The following EIF4E variants were observed in gnomAD, a reference collection of about 807,000 sequenced individuals.
The protein encoded by EIF4E is eIF-4F 25 kDa subunit.
For missense variants in EIF4E, 113 were observed against 265.6 expected, an observed-to-expected ratio of 0.43 and a Z score of 3.99; for synonymous variants, 71 against 88.5, an observed-to-expected ratio of 0.80 and a Z score of 1.11.
intron 1 of EIF4E, among the ~76,000 whole-genome samples, chr4:98,922,296 G>A (rs989764041): frequency 1.5e-4 from 23 of 152,160 alleles, no homozygotes; most frequent in Non-Finnish European, 2.6e-4. Flanking sequence ...GGTGGCTCAC[G>A]CCTGTAATCC....
chr4:98,904,200 C>T (rs565996038), intron 1 of EIF4E, among the ~76,000 whole-genome samples: 1 of 152,280 alleles, frequency 6.6e-6, no homozygotes, highest in South Asian at 2.1e-4. Flanking sequence ...GGACTTATGT[C>T]TGTAATTGCA....
Position 98,880,944 on chromosome 4 carries a change from T to G in EIF4E, c.*84A>C, listed in dbSNP as rs1282294451. On this transcript the variant is annotated 3_prime_UTR_variant, in exon 7 of 7. Coordinates refer to ENST00000450253, the MANE Select transcript of EIF4E (RefSeq NM_001968.5). Reference sequence around the variant, plus strand: ...AATCAAATTTAAATGCAGTCCACTCTGCTTTTTGAAGAGGCTTTGGTTCAG... The same window carrying G: ...AATCAAATTTAAATGCAGTCCACTCGGCTTTTTGAAGAGGCTTTGGTTCAG... The G allele has an allele frequency of 6.5e-7, 1 of 1,541,006 alleles. No homozygotes were observed. The highest frequency in any genetic ancestry group is 1.4e-5 in the African/African-American group (1 of 72,914).
At chr4:98,917,289 TA>T (rs1477376771) in intron 1 of EIF4E, among the ~76,000 whole-genome samples, 3 of 152,008 alleles carry the variant, frequency 2.0e-5, no homozygotes, top group Non-Finnish European at 4.4e-5. Flanking sequence ...AATCCAATCT[TA>T]AAACAAGATA....
At position 98,879,861 on chromosome 4, in the gene EIF4E, A is replaced by G. The variant is rs1230587485; in HGVS notation, c.*1167T>C. On this transcript the variant is annotated 3_prime_UTR_variant, in exon 7 of 7. Coordinates refer to ENST00000450253, the MANE Select transcript of EIF4E (RefSeq NM_001968.5). Reference sequence around the variant, plus strand: ...TAAAAAAACAAAGATAGCCACATCAATTTAATTCCATATATATGATACTAC... The same window carrying G: ...TAAAAAAACAAAGATAGCCACATCAGTTTAATTCCATATATATGATACTAC... 1 of 152,206 alleles carries G rather than the reference A, an allele frequency of 6.6e-6. No homozygotes were observed. Among genetic ancestry groups the G allele is most frequent in the Non-Finnish European group, 1.5e-5 (1 of 68,010 alleles). 9.4% of individuals were successfully genotyped at this position (152,206 alleles called of 1,614,324 possible). A position where few individuals can be genotyped will look rare whatever the true frequency, so the allele number is the denominator to read the frequency against.
At chr4:98,882,461 C>CAAAAAT (rs1311799634) in intron 6 of EIF4E, among the ~76,000 whole-genome samples, 3 of 146,726 alleles carry the variant, frequency 2.0e-5, no homozygotes, top group Admixed American at 6.7e-5. Flanking sequence ...CAAAAATAAG[C>CAAAAAT]AAAAATCAAA....
chr4:98,883,604 C>G (rs937679994), intron 6 of EIF4E, among the ~76,000 whole-genome samples: 3 of 151,590 alleles, frequency 2.0e-5, no homozygotes, highest in Non-Finnish European at 4.4e-5. Context: ...GGGGTTTCAC[C>G]GTGTTGGCCA....
At position 98,887,320 on chromosome 4, in the gene EIF4E, G is replaced by A. The variant is rs542250037; in HGVS notation, c.286-128C>T. 2 of 982,144 alleles carry A rather than the reference G, an allele frequency of 2.0e-6. No individual in the cohort carries two copies. Among genetic ancestry groups the A allele is most frequent in the African/African-American group, 1.6e-5 (1 of 62,752 alleles). 60.8% of individuals were successfully genotyped at this position (982,144 alleles called of 1,614,324 possible). ...TATTGCCCATAAAACTGCCATTGATGTAGTTTTTAAACAGCACATAAGACT... is the reference window on the plus strand; with the variant it reads ...TATTGCCCATAAAACTGCCATTGATATAGTTTTTAAACAGCACATAAGACT... On this transcript the variant is annotated intron_variant, in intron 4 of 6. Transcript: ENST00000450253. The surrounding 1 kb of genome is among the most constrained non-coding windows in gnomAD (Gnocchi z 4.0).
chr4:98,887,829 T>C lies in EIF4E; in HGVS notation c.285+60A>G. On this transcript the variant is annotated intron_variant, in intron 4 of 6. Transcript: ENST00000450253. The surrounding 1 kb of genome is among the most constrained non-coding windows in gnomAD (Gnocchi z 4.0). ...TTCCTAAGTTTATGGTAAGATTTCTTAATGAATACCAAATGGCCCAGTCCT... is the reference window on the plus strand; with the variant it reads ...TTCCTAAGTTTATGGTAAGATTTCTCAATGAATACCAAATGGCCCAGTCCT... 2 of 1,462,458 alleles carry C rather than the reference T, an allele frequency of 1.4e-6. No individual in the cohort carries two copies. Among genetic ancestry groups the C allele is most frequent in the Admixed American group, 3.5e-5 (2 of 57,518 alleles). The allele number at this position is 1,462,458 out of a possible 1,614,324, so 90.6% of individuals were successfully genotyped here.
At chr4:98,923,445 C>T (rs1427951132) in intron 1 of EIF4E, among the ~76,000 whole-genome samples, 1 of 151,952 alleles carries the variant, frequency 6.6e-6, no homozygotes, top group Non-Finnish European at 1.5e-5. Context: ...CCTCCTGAGG[C>T]TAGGACACAG....
intron 1 of EIF4E, among the ~76,000 whole-genome samples, chr4:98,917,815 C>T (rs1725448570): frequency 1.3e-5 from 2 of 152,218 alleles, no homozygotes; most frequent in Admixed American, 6.5e-5. Context: ...ATGGCTCACA[C>T]CTGTAATCAC....
At chr4:98,923,114 G>A (rs1427829728) in intron 1 of EIF4E, among the ~76,000 whole-genome samples, 1 of 150,942 alleles carries the variant, frequency 6.6e-6, no homozygotes, top group Non-Finnish European at 1.5e-5. Context: ...GCCTCCCAAA[G>A]TGTCGGGATT....
chr4:98,886,823 G>A (rs1258842388), intron 5 of EIF4E: 3 of 450,116 alleles, frequency 6.7e-6, no homozygotes, highest in Admixed American at 3.4e-5. Context: ...TGAGGTTAAT[G>A]AAATGACCAC....
chr4:98,921,425 A>G (rs1481836616), intron 1 of EIF4E, among the ~76,000 whole-genome samples: 1 of 151,820 alleles, frequency 6.6e-6, no homozygotes, highest in African/African-American at 2.4e-5. Flanking sequence ...ATGGAGTGCA[A>G]TGTCATCATC....
chr4:98,898,180 T>G (rs1034727914), intron 2 of EIF4E, among the ~76,000 whole-genome samples: 14 of 152,312 alleles, frequency 9.2e-5, no homozygotes, highest in African/African-American at 3.1e-4. Flanking sequence ...TTTTAAAGGC[T>G]TTTAAAAACT....
chr4:98,901,772 C>T, intron 2 of EIF4E, 104 bp downstream of exon 2: 3 of 1,054,182 alleles, frequency 2.8e-6, no homozygotes, highest in Non-Finnish European at 1.5e-6. Flanking sequence ...TCAACCTTAG[C>T]ATATCTAAAA....
At chr4:98,882,705 C>T (rs1309693407) in intron 6 of EIF4E, among the ~76,000 whole-genome samples, 1 of 150,802 alleles carries the variant, frequency 6.6e-6, no homozygotes, top group Non-Finnish European at 1.5e-5. Context: ...TTGAGTCATG[C>T]AAATTGGAAG....
intron 6 of EIF4E, among the ~76,000 whole-genome samples, chr4:98,881,551 T>C (rs1186610426): frequency 6.6e-6 from 1 of 151,320 alleles, no homozygotes; most frequent in African/African-American, 2.4e-5. Context: ...ATCACATGCA[T>C]ACTTAAAAAC....
intron 2 of EIF4E, among the ~76,000 whole-genome samples, chr4:98,899,694 C>T (rs1038634531): frequency 6.6e-5 from 10 of 151,974 alleles, no homozygotes; most frequent in African/African-American, 2.2e-4. Context: ...TAATGCAAGA[C>T]GGTGGTTTAA....
At chr4:98,910,580 G>A (rs1725081045) in intron 1 of EIF4E, among the ~76,000 whole-genome samples, 1 of 152,078 alleles carries the variant, frequency 6.6e-6, no homozygotes, top group Middle Eastern at 3.2e-3. Flanking sequence ...AGTGAATAGA[G>A]CTGATTAAGT....
Sources: gnomAD v4.1 joint callset for allele counts (sites outside exome capture counted in the v4.1 genomes callset) on GRCh38, gnomAD v4.1.1 for gene constraint, Gnocchi (gnomAD v3.1) non-coding constraint, MANE v1.5 for transcripts, NCBI Gene and HGNC (gene_info 2026-07-23, HGNC 2026-07-21) for gene names.